The following MALRD1 variants were observed in gnomAD, a reference collection of about 807,000 sequenced individuals.
MALRD1 encodes MAM and LDL-receptor class A domain-containing protein 1.
In MALRD1, 247 loss-of-function variants were observed where a neutral mutation model predicts 242.1. The ratio of observed to expected loss-of-function variants is 1.02; its 90% CI spans 0.92 to 1.13. MALRD1 has a LOEUF of 1.13. Ranked by LOEUF, MALRD1 falls within the 50% of genes most tolerant of loss-of-function variation. The pLI is 0.00. For missense variants in MALRD1, 2,989 were observed against 2,533.1 expected, an observed-to-expected ratio of 1.18 and a Z score of -3.86; for synonymous variants, 995 against 866.6, an observed-to-expected ratio of 1.15 and a Z score of -2.60.
At chr10:19,667,575 T>C (rs2131748565) in intron 36 of MALRD1, among the ~76,000 whole-genome samples, 1 of 151,770 alleles carries the variant, frequency 6.6e-6, no homozygotes, top group South Asian at 2.1e-4. Flanking sequence ...TATTTAAAAG[T>C]GTGTGGCACC....
intron 11 of MALRD1, among the ~76,000 whole-genome samples, chr10:19,149,603 T>A (rs1453076449): frequency 6.6e-6 from 1 of 152,216 alleles, no homozygotes; most frequent in Non-Finnish European, 1.5e-5. Flanking sequence ...ATCTTGTAAC[T>A]ATTGTCCCTA....
At chr10:19,099,579 G>C (rs1422215341) in intron 4 of MALRD1, among the ~76,000 whole-genome samples, 1 of 151,666 alleles carries the variant, frequency 6.6e-6, no homozygotes, top group East Asian at 1.9e-4. Flanking sequence ...TTGCTGCTTT[G>C]CTCCTTTATA....
chr10:19,239,131 TCA>T (rs1838642419), intron 18 of MALRD1, among the ~76,000 whole-genome samples: 1 of 151,862 alleles, frequency 6.6e-6, no homozygotes, highest in Non-Finnish European at 1.5e-5. Context: ...CAGTCGGGGC[TCA>T]CGGCAACCTC....
At chr10:19,610,217 TGTG>T (rs1403237099) in intron 35 of MALRD1, among the ~76,000 whole-genome samples, 53 of 152,056 alleles carry the variant, frequency 3.5e-4, no homozygotes, top group African/African-American at 1.2e-3. Flanking sequence ...ATTATTTCTT[TGTG>T]GTACGAACGT....
At chr10:19,238,582 T>A (rs375223179) in intron 18 of MALRD1, among the ~76,000 whole-genome samples, 2 of 78,482 alleles carry the variant, frequency 2.5e-5, no homozygotes, top group Admixed American at 2.1e-4. Flanking sequence ...ATAATGTATA[T>A]TATATATATA....
chr10:19,531,139 C>T (rs988629986), intron 31 of MALRD1, 55 bp from the exon 32 acceptor site: 18 of 1,401,846 alleles, frequency 1.3e-5, no homozygotes, highest in South Asian at 9.6e-5. Context: ...AAACACATTC[C>T]GACTCATGCG....
chr10:19,699,759 G>A (rs1361171556), intron 38 of MALRD1, among the ~76,000 whole-genome samples: 2 of 151,862 alleles, frequency 1.3e-5, no homozygotes, highest in African/African-American at 4.8e-5. Context: ...AACAGGAGCA[G>A]GAGAGAGAGA....
intron 33 of MALRD1, among the ~76,000 whole-genome samples, chr10:19,593,652 G>T (rs193251522): frequency 2.0e-5 from 3 of 152,080 alleles, no homozygotes; most frequent in Non-Finnish European, 4.4e-5. Context: ...AATTAGTTCC[G>T]TTCTATATGT....
intron 33 of MALRD1, among the ~76,000 whole-genome samples, chr10:19,584,478 A>C (rs930405076): frequency 6.6e-6 from 1 of 152,004 alleles, no homozygotes; most frequent in Admixed American, 6.6e-5. Flanking sequence ...TCATTTCGTT[A>C]TGTACCCAGT....
intron 35 of MALRD1, among the ~76,000 whole-genome samples, chr10:19,614,115 A>ACTAT (rs1477487366): frequency 3.9e-5 from 6 of 152,136 alleles, no homozygotes; most frequent in Non-Finnish European, 7.4e-5. Context: ...TTAAACTCAT[A>ACTAT]CTATGAACTG....
Position 19,352,091 on chromosome 10 carries a change from T to C in MALRD1, c.4235T>C (p.Leu1412Pro), listed in dbSNP as rs1200308612. ...QVSVTNQTKV[L>P]LNLTVEQGNF... The stretch of plus-strand genomic sequence containing the variant: ...TCAGTCACAAACCAAACGAAGGTTC[T>C]ACTTAACCTCACTGTAGAACAAGGC... Residue 1412 changes from leucine to proline, a missense_variant, in exon 26 of 40, where the codon CTA (leucine) becomes CCA (proline). By Grantham distance (98) the Leu-to-Pro change is moderately conservative. Coordinates refer to ENST00000454679, the MANE Select transcript of MALRD1 (RefSeq NM_001142308.3). 8 of 1,550,384 alleles carry C rather than the reference T, an allele frequency of 5.2e-6. No homozygotes were observed. The highest frequency in any genetic ancestry group is 1.7e-4 in the Middle Eastern group (1 of 6,012).
intron 5 of MALRD1, among the ~76,000 whole-genome samples, chr10:19,114,284 T>A (rs1288990163): frequency 6.6e-6 from 1 of 152,206 alleles, no homozygotes. Context: ...TGCCATATTA[T>A]AACAGAAATA....
intron 27 of MALRD1, among the ~76,000 whole-genome samples, chr10:19,388,297 G>A (rs1846173509): frequency 6.6e-6 from 1 of 152,162 alleles, no homozygotes; most frequent in South Asian, 2.1e-4. Context: ...AAGAACTGGG[G>A]TTAGAACTCT....
intron 32 of MALRD1, 42 bp from the exon 33 acceptor site, chr10:19,567,460 A>G (rs1434516266): frequency 6.7e-7 from 1 of 1,493,860 alleles, no homozygotes; most frequent in African/African-American, 1.4e-5. Context: ...TGATACTTCT[A>G]ATATCCAATC....
chr10:19,605,618 A>G (rs1010617661), intron 34 of MALRD1, among the ~76,000 whole-genome samples: 3 of 150,464 alleles, frequency 2.0e-5, no homozygotes, highest in Non-Finnish European at 4.4e-5. Flanking sequence ...TTCCTACTTT[A>G]CTATATGGCT....
At chr10:19,126,206 G>GTA (rs1588582917) in intron 7 of MALRD1, among the ~76,000 whole-genome samples, 1 of 152,130 alleles carries the variant, frequency 6.6e-6, no homozygotes, top group East Asian at 1.9e-4. Context: ...GAAAATTTCA[G>GTA]TATGATGAGT....
intron 29 of MALRD1, among the ~76,000 whole-genome samples, chr10:19,470,458 G>C (rs1301381060): frequency 6.6e-6 from 1 of 152,000 alleles, no homozygotes; most frequent in Non-Finnish European, 1.5e-5. Context: ...TATATACCCA[G>C]AAGTAGAATT....
intron 10 of MALRD1, among the ~76,000 whole-genome samples, chr10:19,139,661 A>G (rs1322234313): frequency 6.6e-6 from 1 of 152,198 alleles, no homozygotes; most frequent in African/African-American, 2.4e-5. Flanking sequence ...ATTTTAATAT[A>G]TGGCATAACA....
intron 21 of MALRD1, among the ~76,000 whole-genome samples, chr10:19,313,936 A>G (rs1842534513): frequency 6.6e-6 from 1 of 151,556 alleles, no homozygotes; most frequent in Non-Finnish European, 1.5e-5. Flanking sequence ...TCATCACATC[A>G]TTTTTATTTC....
Sources: gnomAD v4.1 joint callset for allele counts (sites outside exome capture counted in the v4.1 genomes callset) on GRCh38, gnomAD v4.1.1 for gene constraint, MANE v1.5 for transcripts, NCBI Gene and HGNC (gene_info 2026-07-23, HGNC 2026-07-21) for gene names.